The following HIVEP3 variants were observed in gnomAD, a reference collection of about 807,000 sequenced individuals.
HIVEP3 encodes transcription factor HIVEP3.
In HIVEP3, 49 loss-of-function variants were observed where a neutral mutation model predicts 152.8. That is an observed-to-expected ratio of 0.32 (90% CI 0.26 to 0.41). The LOEUF is 0.41. Ranked by LOEUF, HIVEP3 falls within the 10% of genes least tolerant of loss-of-function variation. The pLI, the probability that HIVEP3 is intolerant of heterozygous loss-of-function variation, is 1.00. For synonymous variants in HIVEP3, 1,269 were observed against 1,289.0 expected (o/e 0.98, Z 0.33); for missense variants, 2,790 against 3,103.3 (o/e 0.90, Z 2.40).
chr1:41,974,450 T>G (rs1645248153), intron 1 of HIVEP3, among the ~76,000 whole-genome samples: 1 of 145,132 alleles, frequency 6.9e-6, no homozygotes, highest in Non-Finnish European at 1.5e-5. Flanking sequence ...CTCACCCCTC[T>G]GGCTTCACAT....
intron 5 of HIVEP3, among the ~76,000 whole-genome samples, chr1:41,555,322 C>T: frequency 6.6e-6 from 1 of 152,236 alleles, no homozygotes. Context: ...ATATAATGTC[C>T]TGGTGTGCCG....
At position 41,745,898 on chromosome 1, in the gene HIVEP3, G is replaced by A. The variant is rs1001936608; in HGVS notation, c.-800-44903C>T. ...CTTCAGGGCCTGTCAGTGAATCCTA[G>A]CAGATCTGGTCCCTACCATGATGCC... On this transcript the variant is annotated intron_variant, in intron 1 of 8. Transcript: ENST00000372583. Among the ~76,000 whole-genome samples, 3 of 152,210 alleles carry A rather than the reference G, an allele frequency of 2.0e-5. No homozygotes were observed. In the South Asian group the frequency reaches 6.2e-4, roughly 32 times the overall value.
intron 5 of HIVEP3, among the ~76,000 whole-genome samples, chr1:41,544,884 T>G (rs62653700): frequency 2.2e-4 from 1 of 4,532 alleles, no homozygotes; most frequent in Non-Finnish European, 5.0e-4. Context: ...CACTACCACC[T>G]CTACCACCAC....
chr1:41,836,762 A>T (rs1264368810), intron 1 of HIVEP3, among the ~76,000 whole-genome samples: 1 of 152,104 alleles, frequency 6.6e-6, no homozygotes. Flanking sequence ...GGCTTTTCTC[A>T]TTTCACCCAC....
chr1:41,681,642 A>G (rs1646040464), intron 2 of HIVEP3, among the ~76,000 whole-genome samples: 3 of 152,222 alleles, frequency 2.0e-5, no homozygotes, highest in Admixed American at 6.5e-5. Context: ...CCTCTGGGCC[A>G]GAATGGTGCA....
intron 2 of HIVEP3, among the ~76,000 whole-genome samples, chr1:41,632,478 C>T (rs1162010600): frequency 6.6e-6 from 1 of 152,218 alleles, no homozygotes; most frequent in Non-Finnish European, 1.5e-5. Flanking sequence ...TCGTGATCCA[C>T]CTGTCAAGGC....
intron 1 of HIVEP3, among the ~76,000 whole-genome samples, chr1:41,991,720 C>T (rs1292515747): frequency 6.6e-6 from 1 of 151,030 alleles, no homozygotes; most frequent in Non-Finnish European, 1.5e-5. Flanking sequence ...GACCAATATC[C>T]TTGATGAACA....
chr1:41,938,269 G>T (rs181576073), intron 1 of HIVEP3, among the ~76,000 whole-genome samples: 2 of 152,144 alleles, frequency 1.3e-5, no homozygotes, highest in African/African-American at 4.8e-5. Context: ...CTCTGTAGAA[G>T]GCTGTTTAAC....
rs367673745 is a variant in HIVEP3, at chr1:41,811,806, C to T, written c.-801+106607G>A. Among the ~76,000 whole-genome samples, 189 of 152,082 alleles carry T rather than the reference C, an allele frequency of 1.2e-3. 1 individual carries two copies. Among genetic ancestry groups the T allele is most frequent in the South Asian group, 3.7e-3 (18 of 4,810 alleles). On this transcript the variant is annotated intron_variant, in intron 1 of 8. Transcript: ENST00000372583. The stretch of plus-strand genomic sequence containing the variant: ...TAATAAATTCCTAAAAGAGGGAATA[C>T]GAAAATCGCAGTTGCTGTAGTTGTA...
At chr1:41,674,757 G>A (rs1390404619) in intron 2 of HIVEP3, among the ~76,000 whole-genome samples, 1 of 152,160 alleles carries the variant, frequency 6.6e-6, no homozygotes, top group Non-Finnish European at 1.5e-5. Context: ...GAGTCCCTTT[G>A]TCTGCAGCCT....
At chr1:41,660,076 G>A (rs1232473455) in intron 2 of HIVEP3, among the ~76,000 whole-genome samples, 1 of 152,200 alleles carries the variant, frequency 6.6e-6, no homozygotes, top group Non-Finnish European at 1.5e-5. Context: ...GCGAATGAGT[G>A]AACAGGATGG....
intron 2 of HIVEP3, among the ~76,000 whole-genome samples, chr1:41,677,718 G>T (rs1296896245): frequency 2.0e-5 from 3 of 152,216 alleles, no homozygotes; most frequent in Non-Finnish European, 2.9e-5. Flanking sequence ...ATCCAGCATT[G>T]GCCTGTAACT....
chr1:41,781,223 G>A (rs939567266), intron 1 of HIVEP3, among the ~76,000 whole-genome samples: 5 of 152,156 alleles, frequency 3.3e-5, no homozygotes, highest in African/African-American at 1.2e-4. Flanking sequence ...GCCTGAAGGG[G>A]TCCCTATCTT....
At chr1:41,776,044 A>G (rs1648686706) in intron 1 of HIVEP3, among the ~76,000 whole-genome samples, 2 of 152,232 alleles carry the variant, frequency 1.3e-5, no homozygotes, top group South Asian at 4.1e-4. Context: ...GGGGAAATCT[A>G]TAAAGATTTG....
intron 1 of HIVEP3, among the ~76,000 whole-genome samples, chr1:41,984,443 T>G (rs1241678534): frequency 6.6e-6 from 1 of 152,078 alleles, no homozygotes; most frequent in African/African-American, 2.4e-5. Context: ...AAAGTTGACA[T>G]GATAGCCCTA....
chr1:41,996,620 T>C (rs998842009), intron 1 of HIVEP3, among the ~76,000 whole-genome samples: 1 of 152,154 alleles, frequency 6.6e-6, no homozygotes, highest in African/African-American at 2.4e-5. Flanking sequence ...GATGGGAGGA[T>C]CCAGGGAATG....
intron 7 of HIVEP3, among the ~76,000 whole-genome samples, chr1:41,516,190 G>GGGCCCTTGCAGGAGCGGCCCCT (rs1558019168): frequency 5.4e-4 from 3 of 5,512 alleles, no homozygotes; most frequent in Non-Finnish European, 0.015. Flanking sequence ...GGGCGGCCCC[G>GGGCCCTTGCAGGAGCGGCCCCT]CCCCTGCTGG....
chr1:41,522,173 C>G (rs914380588), intron 6 of HIVEP3, among the ~76,000 whole-genome samples: 1 of 152,168 alleles, frequency 6.6e-6, no homozygotes, highest in East Asian at 1.9e-4. Flanking sequence ...GCCCCGGAGA[C>G]AAGGGGCCTG....
At chr1:41,974,786 T>A (rs537404171) in intron 1 of HIVEP3, among the ~76,000 whole-genome samples, 1 of 152,188 alleles carries the variant, frequency 6.6e-6, no homozygotes, top group African/African-American at 2.4e-5. Flanking sequence ...GAAAACTCTG[T>A]GAGAGCAGAG....
Sources: allele counts gnomAD v4.1 joint callset (sites outside exome capture counted in the v4.1 genomes callset), GRCh38; gene constraint gnomAD v4.1.1; transcripts MANE v1.5; gene names NCBI Gene and HGNC (gene_info 2026-07-23, HGNC 2026-07-21).